LIPG: variants seen among roughly 807,000 people sequenced by gnomAD.
LIPG encodes lipase G, endothelial type.
LIPG carries 34 observed loss-of-function variants against 51.8 expected under a neutral mutation model. That is an observed-to-expected ratio of 0.66 (90% CI 0.50 to 0.87). The LOEUF (loss-of-function observed/expected upper bound fraction) is 0.87, where lower values mean the gene tolerates loss of function less well. Among genes scored for constraint, LIPG ranks in the 40% least tolerant of loss-of-function variants. The pLI is 0.00. For synonymous variants in LIPG, 246 were observed against 246.1 expected, an observed-to-expected ratio of 1.00 and a Z score of 0.00; for missense variants, 580 against 652.7, an observed-to-expected ratio of 0.89 and a Z score of 1.21.
chr18:49,579,044 G>C (rs12960534), intron 5 of LIPG, among the ~76,000 whole-genome samples: 1 of 6 alleles, frequency 0.17, no homozygotes, highest in Non-Finnish European at 0.5. Flanking sequence ...GAGAGGGAGA[G>C]GGAGAGGGAG....
rs771551602 is a variant in LIPG, at chr18:49,565,393, C to A, written c.174C>A (p.Asp58Glu). The A allele has an allele frequency of 6.2e-7, 1 of 1,614,188 alleles. No individual in the cohort carries two copies. Among genetic ancestry groups the A allele is most frequent in the South Asian group, 1.1e-5 (1 of 91,084 alleles). The change falls in exon 2 of 10, where the codon GAC becomes GAA. Residue 58 changes from aspartate (D) to glutamate (E), a missense_variant. Coordinates refer to ENST00000261292, the MANE Select transcript of LIPG (RefSeq NM_006033.4). ...SVRFNLRTSK[D>E]PEHEGCYLSV... is the part of the protein sequence containing the mutation. ...GGTTTAACCTCCGCACCTCCAAGGA[C>A]CCAGAGCATGAAGGATGCTACCTCT...
intron 4 of LIPG, 99 bp downstream of exon 4, chr18:49,569,647 G>T: frequency 1.1e-6 from 1 of 945,844 alleles, no homozygotes; most frequent in South Asian, 1.4e-5. Flanking sequence ...GTTAGCTTTG[G>T]AAGGAACCTG....
chr18:49,577,596 G>A (rs1363483320), intron 5 of LIPG, among the ~76,000 whole-genome samples: 4 of 148,830 alleles, frequency 2.7e-5, no homozygotes, highest in Non-Finnish European at 4.4e-5. Context: ...AGGGGCGGCC[G>A]GGCAGAGGCA....
At chr18:49,565,708 T>C (rs2084598451) in intron 2 of LIPG, among the ~76,000 whole-genome samples, 1 of 152,188 alleles carries the variant, frequency 6.6e-6, no homozygotes, top group South Asian at 2.1e-4. Context: ...AATGATGGCA[T>C]ACAACGGGCT....
At position 49,582,468 on chromosome 18, in the gene LIPG, T is replaced by C; in HGVS notation, c.1143T>C (p.Thr381=). 6.2e-7 allele frequency: 1 copy of C among 1,614,258 alleles called. No individual in the cohort carries two copies. The highest frequency in any genetic ancestry group is 8.5e-7 in the Non-Finnish European group (1 of 1,180,044). Residue 381 remains threonine (T), a synonymous_variant, in exon 7 of 10, where the codon ACT becomes ACC. Coordinates refer to ENST00000261292, the MANE Select transcript of LIPG (RefSeq NM_006033.4). ...ATGGCACTAATGCAGATTCCCAGAC[T>C]CTGCCACTGGAAATGTAAGTCATCC... The part of the protein sequence containing the change: ...TLYGTNADSQ[T]LPLEIVERIE...
intron 4 of LIPG, among the ~76,000 whole-genome samples, chr18:49,570,169 G>A (rs76392461): frequency 2.8e-3 from 425 of 152,304 alleles, no homozygotes; most frequent in Non-Finnish European, 4.9e-3. Context: ...TGGAAAGGGT[G>A]GTTCAACTTT....
rs1278959257 is a variant in LIPG, at chr18:49,590,544, C to A, written c.*22C>A. ...CTGAGGGTGCCCGGGCAAGTCTTGC[C>A]AGCAAGGCAGCAAGACTTCCTGCTA... On this transcript the variant is annotated 3_prime_UTR_variant, in exon 10 of 10. Coordinates refer to ENST00000261292, the MANE Select transcript of LIPG (RefSeq NM_006033.4). The A allele has an allele frequency of 6.3e-7, 1 of 1,588,210 alleles. No homozygotes were observed.
rs2084987451 is a variant in LIPG at position 49,597,263 on chromosome 18, C to CA, written c.*6742dup. The CA allele has an allele frequency of 6.6e-6, 1 of 152,180 alleles. No homozygotes were observed. The highest frequency in any genetic ancestry group is 2.1e-4 in the South Asian group (1 of 4,824). 9.4% of individuals were successfully genotyped at this position (152,180 alleles called of 1,614,324 possible). A position where few individuals can be genotyped will look rare whatever the true frequency, so the allele number is the denominator to read the frequency against. ...GCCCCTAAAATATTCCTGATTTTCACAGTTGATTTCATTTCTTCCCTCCTG... is the reference window on the plus strand; with the variant it reads ...GCCCCTAAAATATTCCTGATTTTCACAAGTTGATTTCATTTCTTCCCTCCTG... On this transcript the variant is annotated 3_prime_UTR_variant, in exon 10 of 10. Coordinates refer to ENST00000261292, the MANE Select transcript of LIPG (RefSeq NM_006033.4).
intron 9 of LIPG, among the ~76,000 whole-genome samples, chr18:49,589,020 T>C (rs913137580): frequency 3.3e-5 from 5 of 152,094 alleles, no homozygotes; most frequent in African/African-American, 1.2e-4. Flanking sequence ...GAAGTTTCTC[T>C]CCCAAGGCCC....
chr18:49,583,436 A>G (rs1347816817), intron 7 of LIPG, 120 bp from the exon 8 acceptor site: 4 of 801,244 alleles, frequency 5.0e-6, no homozygotes, highest in Non-Finnish European at 8.7e-6. Flanking sequence ...AGGTGGGGAA[A>G]GCACTCACAC....
chr18:49,563,652 T>C (rs2084574121), intron 1 of LIPG, among the ~76,000 whole-genome samples: 1 of 151,390 alleles, frequency 6.6e-6, no homozygotes, highest in Admixed American at 6.6e-5. Context: ...GGTGGTGCGA[T>C]TTTATGATGT....
In LIPG at chr18:49,562,254, G is replaced by A. The variant is rs2084557758; in HGVS notation, c.-55G>A. ...CCGGGATTGCTGGAAACACCAAGAG[G>A]TGGTTTTTGTTTTTTAAAACTTCTG... On this transcript the variant is annotated 5_prime_UTR_variant, in exon 1 of 10. It adds an upstream start codon to the 5' untranslated region. Transcript: ENST00000261292. 2 of 1,612,030 alleles carry A rather than the reference G, an allele frequency of 1.2e-6. No homozygotes were observed. Among genetic ancestry groups the A allele is most frequent in the Non-Finnish European group, 1.7e-6 (2 of 1,179,918 alleles).
intron 1 of LIPG, among the ~76,000 whole-genome samples, 200 bp downstream of exon 1, chr18:49,562,605 A>G (rs1429918048): frequency 6.6e-6 from 1 of 152,200 alleles, no homozygotes; most frequent in East Asian, 1.9e-4. Context: ...GTCATGCAAA[A>G]GGCAAAGGCT....
chr18:49,572,025 TGTGGCCGGGC>T (rs1371976409), intron 4 of LIPG, among the ~76,000 whole-genome samples: 6 of 152,172 alleles, frequency 3.9e-5, no homozygotes, highest in Non-Finnish European at 7.3e-5. Flanking sequence ...ATACCTCATG[TGTGGCCGGGC>T]GTGGCCGGGC....
chr18:49,568,331 G>T (rs1001868775), intron 3 of LIPG, among the ~76,000 whole-genome samples: 3 of 150,418 alleles, frequency 2.0e-5, no homozygotes, highest in Non-Finnish European at 3.0e-5. Context: ...TGCCCAGCCT[G>T]CCTGATACCT....
Position 49,565,490 on chromosome 18 carries a change from G to A in LIPG, c.271G>A (p.Gly91Arg), listed in dbSNP as rs745486229. Residue 91 changes from glycine to arginine, a missense_variant, in exon 2 of 10, where the codon GGA becomes AGA. Physicochemically the swap from Gly to Arg is moderately radical, Grantham distance 125. Coordinates refer to ENST00000261292, the MANE Select transcript of LIPG (RefSeq NM_006033.4). ...MTAKTFFIIH[G>R]WTMSGIFENW... ...AGCTAAAACCTTTTTCATCATTCAC[G>A]GATGGACGGTGAGCCCGGGGAGGGA... 8 of 1,614,088 alleles carry A rather than the reference G, an allele frequency of 5.0e-6. No individual in the cohort carries two copies. The Admixed American group carries it at 8.3e-5, about 17-fold the overall frequency.
At chr18:49,581,388 C>T in intron 5 of LIPG, 27 bp from the exon 6 acceptor site, 11 of 1,614,142 alleles carry the variant, frequency 6.8e-6, no homozygotes, top group Non-Finnish European at 9.3e-6. Flanking sequence ...GCTCATCCTG[C>T]ATGCTTTTTA....
chr18:49,576,759 C>T (rs1011536947), intron 5 of LIPG, among the ~76,000 whole-genome samples: 5 of 152,056 alleles, frequency 3.3e-5, no homozygotes, highest in African/African-American at 1.2e-4. Flanking sequence ...GTGTGAGCCA[C>T]TGCACCCAGC....
Position 49,575,571 on chromosome 18 carries a change from G to A in LIPG, c.774G>A (p.Leu258=), listed in dbSNP as rs1000361698. The change falls in exon 5 of 10, where the codon TTG becomes TTA. Residue 258 remains leucine, a synonymous_variant. Coordinates refer to ENST00000261292, the MANE Select transcript of LIPG (RefSeq NM_006033.4). ...CAGGCTGTGGACTCAACGATGTCTT[G>A]GGATCAATTGCATATGGAAGTGAGT... ...FQPGCGLNDV[L]GSIAYGTITE... The A allele has an allele frequency of 1.9e-6, 3 of 1,613,954 alleles. No homozygotes were observed. Among genetic ancestry groups the A allele is most frequent in the Non-Finnish European group, 2.5e-6 (3 of 1,179,998 alleles).
Sources: gnomAD v4.1 joint callset for allele counts (sites outside exome capture counted in the v4.1 genomes callset) on GRCh38, gnomAD v4.1.1 for gene constraint, MANE v1.5 for transcripts, NCBI Gene and HGNC (gene_info 2026-07-23, HGNC 2026-07-21) for gene names.